The following TXN2 variants were observed in gnomAD, a reference collection of about 807,000 sequenced individuals.
TXN2 encodes thioredoxin 2, also known as thioredoxin, mitochondrial.
TXN2 carries 12 observed loss-of-function variants against 14.6 expected under a neutral mutation model. That is an observed-to-expected ratio of 0.82 (90% confidence interval 0.53 to 1.33). TXN2 has a LOEUF of 1.33. Among genes scored for constraint, TXN2 ranks in the 40% most tolerant of loss-of-function variants. TXN2 has a pLI of 0.00. For missense variants in TXN2, 173 were observed against 207.7 expected (o/e 0.83, Z 1.03); for synonymous variants, 89 against 81.0 (o/e 1.10, Z -0.53).
chr22:36,467,992 G>A, intron 3 of TXN2, 75 bp from the exon 4 acceptor site: 1 of 1,323,642 alleles, frequency 7.6e-7, no homozygotes, highest in Non-Finnish European at 1.1e-6. Context: ...GAGCCTTTGT[G>A]GGGAAGGCTG....
intron 3 of TXN2, among the ~76,000 whole-genome samples, chr22:36,470,937 T>C (rs1225761408): frequency 6.6e-6 from 1 of 152,040 alleles, no homozygotes; most frequent in Non-Finnish European, 1.5e-5. Flanking sequence ...AGGGGATATT[T>C]TGAAGTTGAG....
chr22:36,480,431 C>T (rs1371524406), intron 2 of TXN2, 144 bp downstream of exon 2: 1 of 1,017,484 alleles, frequency 9.8e-7, no homozygotes, highest in Non-Finnish European at 1.4e-6. Context: ...CTGCATTCCC[C>T]TTGAGGGCAG....
chr22:36,475,234 C>CT (rs1419017179), intron 3 of TXN2, among the ~76,000 whole-genome samples: 15 of 51,368 alleles, frequency 2.9e-4, no homozygotes, highest in African/African-American at 1.8e-3. Context: ...AAAAAATTAG[C>CT]CGGCGTGGTG....
In TXN2 at chr22:36,480,563, C is replaced by A. The variant is rs530606314; in HGVS notation, c.263+12G>T. 1.5e-5 allele frequency: 24 copies of A among 1,611,390 alleles called. No homozygotes were observed. The Admixed American group carries it at 2.7e-4, about 18-fold the overall frequency. On this transcript the variant is annotated intron_variant, in intron 2 of 3. Transcript: ENST00000216185. ...GTAGGACCCTAGTCTTCTGTGGACC[C>A]CCAATACTCACTGTGCGTGGAAATC...
chr22:36,477,429 C>T (rs1164794683), intron 2 of TXN2, among the ~76,000 whole-genome samples: 2 of 152,114 alleles, frequency 1.3e-5, no homozygotes, highest in Admixed American at 6.5e-5. Context: ...AGGATGGTCT[C>T]GATCTCCTGA....
At chr22:36,472,817 G>A (rs1054013716) in intron 3 of TXN2, among the ~76,000 whole-genome samples, 3 of 152,090 alleles carry the variant, frequency 2.0e-5, no homozygotes, top group African/African-American at 7.2e-5. Context: ...AGTCTGTGCT[G>A]AGAGCGGCAG....
chr22:36,481,451 C>T, intron 1 of TXN2, 113 bp downstream of exon 1: 1 of 336,274 alleles, frequency 3.0e-6, no homozygotes. Context: ...GGGACCCTGG[C>T]TCTCCGGCGA....
rs1933182413 is a variant in TXN2, at chr22:36,467,405, G to A, written c.*399C>T. 1 of 191,186 alleles carries A rather than the reference G, an allele frequency of 5.2e-6. No individual in the cohort carries two copies. Among genetic ancestry groups the A allele is most frequent in the Non-Finnish European group, 1.1e-5 (1 of 91,950 alleles). The allele number at this position is 191,186 out of a possible 1,614,324, so 11.8% of individuals were successfully genotyped here. ...TTCTTTTTCTTTTTACAAAACAGCA[G>A]CTGGAAAGAGAAATGTAGGTGGCAG... On this transcript the variant is annotated 3_prime_UTR_variant, in exon 4 of 4. Coordinates refer to ENST00000216185, the MANE Select transcript of TXN2 (RefSeq NM_012473.4).
In TXN2 at chr22:36,472,877, C is replaced by T. The variant is rs73886815; in HGVS notation, c.387+3856G>A. Among the ~76,000 whole-genome samples, 315 of 105,332 alleles carry T rather than the reference C, an allele frequency of 3.0e-3. 3 individuals are homozygous for T. Among genetic ancestry groups the T allele is most frequent in the Non-Finnish European group, 2.4e-3 (132 of 55,510 alleles). 69.1% of individuals were successfully genotyped at this position (105,332 alleles called of 152,430 possible). The stretch of plus-strand genomic sequence containing the variant: ...AGTTCCTCCCCACAGAAAGTCAGTC[C>T]GGGGCCTTCAGAACCAGAAAGTCAA... On this transcript the variant is annotated intron_variant, in intron 3 of 3. Coordinates refer to ENST00000216185, the MANE Select transcript of TXN2 (RefSeq NM_012473.4).
At position 36,480,315 on chromosome 22, in the gene TXN2, T is replaced by C. The variant is rs11089793; in HGVS notation, c.263+260A>G. Among the ~76,000 whole-genome samples the C allele has an allele frequency of 4.5e-3, 687 of 152,348 alleles. 8 individuals are homozygous for C. Among genetic ancestry groups the C allele is most frequent in the African/African-American group, 0.015 (644 of 41,586 alleles). On this transcript the variant is annotated intron_variant, in intron 2 of 3. Transcript: ENST00000216185. The stretch of plus-strand genomic sequence containing the variant: ...GTCATATTTTTCCAACTCTGGTCCA[T>C]GCTAAAGATGACGCTGAGCTTTCTG...
chr22:36,473,435 T>G (rs893022260), intron 3 of TXN2, among the ~76,000 whole-genome samples: 1 of 151,998 alleles, frequency 6.6e-6, no homozygotes. Context: ...AGAGCGAGAC[T>G]CCATCTCAAA....
At chr22:36,475,229 A>T (rs1195319846) in intron 3 of TXN2, among the ~76,000 whole-genome samples, 1 of 51,000 alleles carries the variant, frequency 2.0e-5, no homozygotes, top group Non-Finnish European at 4.4e-5. Flanking sequence ...AATACAAAAA[A>T]TTAGCCGGCG....
chr22:36,469,681 C>T (rs559496472), intron 3 of TXN2, among the ~76,000 whole-genome samples: 7 of 152,164 alleles, frequency 4.6e-5, no homozygotes, highest in Admixed American at 2.0e-4. Flanking sequence ...ATAGGCCGGT[C>T]GCTGTGGCTC....
chr22:36,468,264 A>T (rs1933201109), intron 3 of TXN2, among the ~76,000 whole-genome samples: 1 of 152,154 alleles, frequency 6.6e-6, no homozygotes, highest in Admixed American at 6.5e-5. Context: ...AGCTCAGGGG[A>T]AGCCTGGCCC....
intron 3 of TXN2, among the ~76,000 whole-genome samples, chr22:36,472,706 G>A (rs142830953): frequency 0.023 from 3,442 of 152,274 alleles, 56 homozygotes; most frequent in Non-Finnish European, 0.034. Flanking sequence ...TGAACTGCTG[G>A]AAAACAGGGG....
chr22:36,480,883 C>A lies in TXN2; in HGVS notation c.1-46G>T, dbSNP rs369613627. ...AGAACTGGGGCACACAAAAGGAAGT[C>A]GACACACTAGAAAAAGATTTGGGGA... On this transcript the variant is annotated intron_variant, in intron 1 of 3. Coordinates refer to ENST00000216185, the MANE Select transcript of TXN2 (RefSeq NM_012473.4). 5.3e-6 allele frequency: 8 copies of A among 1,506,818 alleles called. No individual in the cohort carries two copies. In the African/African-American group the frequency reaches 9.8e-5, roughly 18 times the overall value. The allele number at this position is 1,506,818 out of a possible 1,614,324, so 93.3% of individuals were successfully genotyped here.
At chr22:36,472,055 C>T (rs1267232776) in intron 3 of TXN2, among the ~76,000 whole-genome samples, 6 of 150,622 alleles carry the variant, frequency 4.0e-5, no homozygotes, top group African/African-American at 1.2e-4. Context: ...TGTGCTTCTG[C>T]CCAGCAGCAA....
At chr22:36,474,560 GA>G in intron 3 of TXN2, among the ~76,000 whole-genome samples, 1 of 152,296 alleles carries the variant, frequency 6.6e-6, no homozygotes, top group African/African-American at 2.4e-5. Context: ...AGGGAGGGGT[GA>G]AGGCTCACTC....
chr22:36,480,546 C>A (rs760075508), intron 2 of TXN2, 29 bp downstream of exon 2: 43 of 1,604,206 alleles, frequency 2.7e-5, no homozygotes, highest in Middle Eastern at 2.0e-4. Context: ...AAGTAGGACC[C>A]TAGTCTTCTG....
Sources: gnomAD v4.1 joint callset for allele counts (sites outside exome capture counted in the v4.1 genomes callset) on GRCh38, gnomAD v4.1.1 for gene constraint, MANE v1.5 for transcripts, NCBI Gene and HGNC (gene_info 2026-07-23, HGNC 2026-07-21) for gene names.